CNKSR3: variants seen among roughly 807,000 people sequenced by gnomAD.
CNKSR3 encodes CNKSR family member 3, also known as connector enhancer of kinase suppressor of ras 3.
Under a neutral mutation model 67.7 loss-of-function variants are expected in CNKSR3, and 36 were observed. That is an observed-to-expected ratio of 0.53 (90% CI 0.41 to 0.70). The LOEUF (loss-of-function observed/expected upper bound fraction) is 0.70, where lower values mean the gene tolerates loss of function less well. CNKSR3 is among the 30% of genes least tolerant of loss of function. CNKSR3 has a pLI of 0.00. For synonymous variants in CNKSR3, 281 were observed against 271.4 expected (o/e 1.04, Z -0.35); for missense variants, 630 against 695.2 (o/e 0.91, Z 1.05).
intron 1 of CNKSR3, among the ~76,000 whole-genome samples, chr6:154,505,495 TA>T (rs562365804): frequency 3.4e-4 from 42 of 124,562 alleles, no homozygotes; most frequent in African/African-American, 1.3e-3. Flanking sequence ...TTATTATTAT[TA>T]TTTTTTTTTT....
At chr6:154,438,874 G>A (rs1356515652) in intron 4 of CNKSR3, among the ~76,000 whole-genome samples, 4 of 152,206 alleles carry the variant, frequency 2.6e-5, no homozygotes, top group Admixed American at 2.6e-4. Context: ...GCCCCAATAA[G>A]CTGGGCAGGC....
intron 1 of CNKSR3, among the ~76,000 whole-genome samples, chr6:154,497,030 A>G (rs1161916861): frequency 1.3e-5 from 2 of 152,124 alleles, no homozygotes; most frequent in Non-Finnish European, 2.9e-5. Context: ...AAGCATTGTG[A>G]AGGCGAAATG....
In CNKSR3 at chr6:154,393,552, T is replaced by C. The variant is rs1279219377; in HGVS notation, c.*12802A>G. 1.3e-5 allele frequency: 2 copies of C among 152,274 alleles called. No individual in the cohort carries two copies. The highest frequency in any genetic ancestry group is 2.9e-5 in the Non-Finnish European group (2 of 68,046). 9.4% of individuals were successfully genotyped at this position (152,274 alleles called of 1,614,324 possible). A position where few individuals can be genotyped will look rare whatever the true frequency, so the allele number is the denominator to read the frequency against. On this transcript the variant is annotated 3_prime_UTR_variant, in exon 13 of 13. Transcript: ENST00000607772. Reference sequence around the variant, plus strand: ...CCAATTTGTAATAATTATATGTATATATTCTTACTGCTAACCCTTAGGACT... The same window carrying C: ...CCAATTTGTAATAATTATATGTATACATTCTTACTGCTAACCCTTAGGACT...
intron 7 of CNKSR3, among the ~76,000 whole-genome samples, chr6:154,425,703 G>A (rs537471178): frequency 6.6e-6 from 1 of 152,306 alleles, no homozygotes; most frequent in African/African-American, 2.4e-5. Flanking sequence ...GAATGATCCT[G>A]GCCTCTCAGG....
At chr6:154,501,881 C>T (rs1562360205) in intron 1 of CNKSR3, among the ~76,000 whole-genome samples, 1 of 152,056 alleles carries the variant, frequency 6.6e-6, no homozygotes, top group African/African-American at 2.4e-5. Flanking sequence ...AGGGGGAAAG[C>T]GTCCAAGGAA....
chr6:154,482,827 G>A (rs779678267), intron 1 of CNKSR3, among the ~76,000 whole-genome samples: 7 of 152,120 alleles, frequency 4.6e-5, no homozygotes, highest in Non-Finnish European at 1.0e-4. Context: ...TACAGGCAAC[G>A]GAAAGATAAT....
chr6:154,496,429 C>A (rs2114654509), intron 1 of CNKSR3, among the ~76,000 whole-genome samples: 1 of 149,492 alleles, frequency 6.7e-6, no homozygotes, highest in Non-Finnish European at 1.5e-5. Flanking sequence ...GCAGGAGAGG[C>A]CAGGCAGGAA....
chr6:154,410,487 G>T, intron 11 of CNKSR3, 55 bp from the exon 12 acceptor site: 1 of 1,207,960 alleles, frequency 8.3e-7, no homozygotes, highest in South Asian at 1.2e-5. Flanking sequence ...GAACTTTAGT[G>T]AACCGTTCCC....
intron 4 of CNKSR3, among the ~76,000 whole-genome samples, chr6:154,440,933 T>C (rs1372443392): frequency 2.0e-5 from 3 of 151,676 alleles, no homozygotes; most frequent in Admixed American, 6.6e-5. Flanking sequence ...GAAGCAGATA[T>C]AGTAAAGTAC....
chr6:154,387,789 C>A lies in CNKSR3; in HGVS notation c.*18565G>T, dbSNP rs1784565625. ...GGCCTTATTTAAAAAGAAAAATGTTCTATCATCAAATGTATTATGCATTTA... is the reference window on the plus strand; with the variant it reads ...GGCCTTATTTAAAAAGAAAAATGTTATATCATCAAATGTATTATGCATTTA... On this transcript the variant is annotated 3_prime_UTR_variant, in exon 13 of 13. Transcript: ENST00000607772. The A allele has an allele frequency of 6.6e-6, 1 of 152,118 alleles. No homozygotes were observed. The highest frequency in any genetic ancestry group is 2.1e-4 in the South Asian group (1 of 4,834). 9.4% of individuals were successfully genotyped at this position (152,118 alleles called of 1,614,324 possible).
In CNKSR3 at chr6:154,389,138, G is replaced by C. The variant is rs1319281949; in HGVS notation, c.*17216C>G. On this transcript the variant is annotated 3_prime_UTR_variant, in exon 13 of 13. Transcript: ENST00000607772. ...TTTTGTTTTTGTTGCCTGTGTTTTG[G>C]GGGTCATATCCATGAAATCATTGAC... 1 of 151,972 alleles carries C rather than the reference G, an allele frequency of 6.6e-6. No homozygotes were observed. The highest frequency in any genetic ancestry group is 1.5e-5 in the Non-Finnish European group (1 of 67,978). The allele number at this position is 151,972 out of a possible 1,614,324, so 9.4% of individuals were successfully genotyped here.
chr6:154,474,785 ACC>A (rs1327461108), intron 1 of CNKSR3, among the ~76,000 whole-genome samples: 1 of 152,166 alleles, frequency 6.6e-6, no homozygotes, highest in Non-Finnish European at 1.5e-5. Context: ...AAGGGTTTGG[ACC>A]AGGTTCAAAC....
intron 10 of CNKSR3, among the ~76,000 whole-genome samples, chr6:154,411,912 A>C (rs962958012): frequency 1.3e-5 from 2 of 152,244 alleles, no homozygotes; most frequent in Non-Finnish European, 2.9e-5. Context: ...CCTTTATAGT[A>C]ACCAATGGAG....
Position 154,510,209 on chromosome 6 carries a change from G to A in CNKSR3, c.-95C>T. ...CCCTTCCCGGGAGGGCGCGCCCGCG[G>A]CTGCTCCCCTGCGCCCGAGCGACTC... On this transcript the variant is annotated 5_prime_UTR_variant, in exon 1 of 13. Transcript: ENST00000607772. 1 of 1,453,540 alleles carries A rather than the reference G, an allele frequency of 6.9e-7. No individual in the cohort carries two copies. The highest frequency in any genetic ancestry group is 9.6e-7 in the Non-Finnish European group (1 of 1,042,002). The allele number at this position is 1,453,540 out of a possible 1,614,324, so 90.0% of individuals were successfully genotyped here.
chr6:154,417,573 C>G (rs1785048915), intron 9 of CNKSR3, among the ~76,000 whole-genome samples: 2 of 152,120 alleles, frequency 1.3e-5, no homozygotes, highest in African/African-American at 4.8e-5. Flanking sequence ...ACTGTGTCCC[C>G]TAAAATTCCT....
At position 154,401,215 on chromosome 6, in the gene CNKSR3, A is replaced by C. The variant is rs1358813788; in HGVS notation, c.*5139T>G. 1 of 152,230 alleles carries C rather than the reference A, an allele frequency of 6.6e-6. No individual in the cohort carries two copies. The highest frequency in any genetic ancestry group is 1.5e-5 in the Non-Finnish European group (1 of 68,038). 9.4% of individuals were successfully genotyped at this position (152,230 alleles called of 1,614,324 possible). A position where few individuals can be genotyped will look rare whatever the true frequency, so the allele number is the denominator to read the frequency against. ...CCCAAAATTCATCTGTTGAAACCCTAATCTCCAAAGCAATGGTATTAGGAG... is the reference window on the plus strand; with the variant it reads ...CCCAAAATTCATCTGTTGAAACCCTCATCTCCAAAGCAATGGTATTAGGAG... On this transcript the variant is annotated 3_prime_UTR_variant, in exon 13 of 13. Coordinates refer to ENST00000607772, the MANE Select transcript of CNKSR3 (RefSeq NM_173515.4).
At chr6:154,448,531 A>C (rs1785756686) in intron 2 of CNKSR3, among the ~76,000 whole-genome samples, 1 of 152,112 alleles carries the variant, frequency 6.6e-6, no homozygotes, top group Non-Finnish European at 1.5e-5. Flanking sequence ...GCCACATCTA[A>C]GGTGAGCGTT....
At position 154,447,397 on chromosome 6, in the gene CNKSR3, C is replaced by G. The variant is rs186669288; in HGVS notation, c.216+2698G>C. On this transcript the variant is annotated intron_variant, in intron 2 of 12. Coordinates refer to ENST00000607772, the MANE Select transcript of CNKSR3 (RefSeq NM_173515.4). ...TGAAAAGAGCAGCTCTATAATCGGT[C>G]TCAGGTACCCTCTACCCAGAGAGAG... Among the ~76,000 whole-genome samples the G allele has an allele frequency of 3.8e-3, 578 of 152,182 alleles. 6 individuals are homozygous for G. The highest frequency in any genetic ancestry group is 0.013 in the African/African-American group (551 of 41,514).
At chr6:154,477,508 A>T (rs1010318420) in intron 1 of CNKSR3, among the ~76,000 whole-genome samples, 9 of 151,014 alleles carry the variant, frequency 6.0e-5, no homozygotes, top group Non-Finnish European at 1.2e-4. Flanking sequence ...TTTAGTAGAG[A>T]TGGGGTTTCA....
Sources: allele counts gnomAD v4.1 joint callset (sites outside exome capture counted in the v4.1 genomes callset), GRCh38; gene constraint gnomAD v4.1.1; transcripts MANE v1.5; gene names NCBI Gene and HGNC (gene_info 2026-07-23, HGNC 2026-07-21).